Variants in MMP16 observed in about 807,000 individuals in gnomAD.
The protein encoded by MMP16 is matrix metallopeptidase 16, also known as matrix metalloproteinase-16.
Under a neutral mutation model 67.8 loss-of-function variants are expected in MMP16, and 12 were observed. That is an observed-to-expected ratio of 0.18 (90% confidence interval 0.11 to 0.29). The LOEUF is 0.29. Ranked by LOEUF, MMP16 falls within the 10% of genes least tolerant of loss-of-function variation. The pLI is 1.00. For synonymous variants in MMP16, 249 were observed against 255.9 expected, an observed-to-expected ratio of 0.97 and a Z score of 0.26; for missense variants, 475 against 765.7, an observed-to-expected ratio of 0.62 and a Z score of 4.48.
chr8:88,072,385 A>T (rs1011200507), intron 7 of MMP16, among the ~76,000 whole-genome samples: 7 of 151,984 alleles, frequency 4.6e-5, no homozygotes, highest in African/African-American at 1.7e-4. Context: ...CTTTCTCCAT[A>T]ATCAATGCTT....
intron 7 of MMP16, among the ~76,000 whole-genome samples, chr8:88,072,873 G>C (rs756675048): frequency 6.6e-6 from 1 of 152,130 alleles, no homozygotes; most frequent in Non-Finnish European, 1.5e-5. Context: ...GGGCAGGGAG[G>C]CCACTGGAGG....
At position 88,327,448 on chromosome 8, in the gene MMP16, G is replaced by T. The variant is rs1586022785; in HGVS notation, c.-242C>A. The stretch of plus-strand genomic sequence containing the variant: ...ACCATCCTCCGGGGTCAGTCACCGG[G>T]AACGTGGCGCCTAAGTTCACCGGCG... On this transcript the variant is annotated 5_prime_UTR_variant, in exon 1 of 10. Transcript: ENST00000286614. 4 of 486,724 alleles carry T rather than the reference G, an allele frequency of 8.2e-6. No homozygotes were observed. The Admixed American group carries it at 9.9e-5, about 12-fold the overall frequency. The allele number at this position is 486,724 out of a possible 1,614,324, so 30.2% of individuals were successfully genotyped here. A position where few individuals can be genotyped will look rare whatever the true frequency, so the allele number is the denominator to read the frequency against.
intron 1 of MMP16, among the ~76,000 whole-genome samples, chr8:88,326,034 T>A (rs1388799310): frequency 6.6e-6 from 1 of 152,218 alleles, no homozygotes; most frequent in African/African-American, 2.4e-5. Context: ...CTTCATAATA[T>A]CAACAATATA....
chr8:88,237,634 G>T (rs1451598928), intron 1 of MMP16, among the ~76,000 whole-genome samples: 1 of 150,828 alleles, frequency 6.6e-6, no homozygotes, highest in Non-Finnish European at 1.5e-5. Flanking sequence ...GGGCGACAGA[G>T]TGAGACTCCG....
Position 88,327,401 on chromosome 8 carries a change from G to C in MMP16, c.-195C>G, listed in dbSNP as rs1811558649. 2 of 580,604 alleles carry C rather than the reference G, an allele frequency of 3.4e-6. No individual in the cohort carries two copies. The highest frequency in any genetic ancestry group is 6.1e-6 in the Non-Finnish European group (2 of 330,076). 36.0% of individuals were successfully genotyped at this position (580,604 alleles called of 1,614,324 possible). On this transcript the variant is annotated 5_prime_UTR_variant, in exon 1 of 10. Coordinates refer to ENST00000286614, the MANE Select transcript of MMP16 (RefSeq NM_005941.5). ...CCCCCGAGAGGCAGCGGCGAAGACA[G>C]GGTCAGCAGTAGTTCCTGTTCACCA...
intron 7 of MMP16, among the ~76,000 whole-genome samples, chr8:88,062,797 A>C (rs1326939352): frequency 6.6e-6 from 1 of 152,172 alleles, no homozygotes; most frequent in African/African-American, 2.4e-5. Flanking sequence ...CCTACAACTT[A>C]AAGTATAATA....
intron 6 of MMP16, among the ~76,000 whole-genome samples, chr8:88,101,779 G>A (rs575766575): frequency 6.6e-6 from 1 of 151,932 alleles, no homozygotes; most frequent in Admixed American, 6.6e-5. Context: ...AATAATATTT[G>A]TACAAAGAAA....
In MMP16 at chr8:88,181,608, T is replaced by A. The variant is rs1228912687; in HGVS notation, c.404+4868A>T. Among the ~76,000 whole-genome samples, 4 of 151,518 alleles carry A rather than the reference T, an allele frequency of 2.6e-5. 1 individual carries two copies. The highest frequency in any genetic ancestry group is 4.8e-5 in the African/African-American group (2 of 41,382). On this transcript the variant is annotated intron_variant, in intron 3 of 9. Transcript: ENST00000286614. ...TATAATATTTATGTTATTTCCAAGA[T>A]GAACTATAGATACAATGCAAGCAAA...
chr8:88,075,717 T>A (rs1049518370), intron 6 of MMP16, among the ~76,000 whole-genome samples: 5 of 152,160 alleles, frequency 3.3e-5, no homozygotes, highest in Non-Finnish European at 5.9e-5. Flanking sequence ...AATTTCTGTA[T>A]GTATAAGCAA....
intron 4 of MMP16, among the ~76,000 whole-genome samples, chr8:88,161,733 G>T (rs571548016): frequency 5.0e-4 from 76 of 152,220 alleles, no homozygotes; most frequent in African/African-American, 1.8e-3. Context: ...ACGTGTCCCA[G>T]AGATTCTGGT....
intron 4 of MMP16, among the ~76,000 whole-genome samples, chr8:88,161,645 G>C (rs1002999896): frequency 3.3e-5 from 5 of 152,058 alleles, no homozygotes; most frequent in African/African-American, 9.6e-5. Flanking sequence ...TGTGATGTTA[G>C]GGTGTTAATT....
rs1190812163 is a variant in MMP16, at chr8:88,207,583, C to A, written c.133-10277G>T. On this transcript the variant is annotated intron_variant, in intron 1 of 9. Coordinates refer to ENST00000286614, the MANE Select transcript of MMP16 (RefSeq NM_005941.5). ...GAAGTAGATGAAAGTCATGGCATTACAAGCAACAGTTGAATTGCTTGTGAA... is the reference window on the plus strand; with the variant it reads ...GAAGTAGATGAAAGTCATGGCATTAAAAGCAACAGTTGAATTGCTTGTGAA... Among the ~76,000 whole-genome samples, 4 of 151,954 alleles carry A rather than the reference C, an allele frequency of 2.6e-5. No individual in the cohort carries two copies. The East Asian group carries it at 5.8e-4, about 22-fold the overall frequency.
chr8:88,173,523 T>A (rs535239073), intron 3 of MMP16, among the ~76,000 whole-genome samples: 110 of 152,260 alleles, frequency 7.2e-4, no homozygotes, highest in African/African-American at 2.4e-3. Flanking sequence ...TAGATAAAAA[T>A]TAGTTATTTA....
Position 88,296,096 on chromosome 8 carries a change from C to T in MMP16, c.132+30979G>A, listed in dbSNP as rs562554793. Among the ~76,000 whole-genome samples the T allele has an allele frequency of 3.3e-5, 5 of 152,168 alleles. No homozygotes were observed. The East Asian group carries it at 9.6e-4, about 29-fold the overall frequency. On this transcript the variant is annotated intron_variant, in intron 1 of 9. Coordinates refer to ENST00000286614, the MANE Select transcript of MMP16 (RefSeq NM_005941.5). ...GGTGTTTATAATCCAATATTTTTTG[C>T]CACCTCAAATTTTCAGGCTCCATCA... is the stretch of plus-strand genomic sequence containing the variant.
chr8:88,145,563 T>C (rs1167582024), intron 4 of MMP16, among the ~76,000 whole-genome samples: 1 of 151,886 alleles, frequency 6.6e-6, no homozygotes, highest in East Asian at 1.9e-4. Flanking sequence ...TTTTACACCT[T>C]AATAGATCTC....
At chr8:88,327,020 G>A (rs1367399039) in intron 1 of MMP16, 55 bp downstream of exon 1, 3 of 1,608,190 alleles carry the variant, frequency 1.9e-6, no homozygotes, top group African/African-American at 1.3e-5. Context: ...TGAAGGAAAT[G>A]TTTCAGGGAG....
rs145285317 is a variant in MMP16 at position 88,308,378 on chromosome 8, C to A, written c.132+18697G>T. The stretch of plus-strand genomic sequence containing the variant: ...TTTGCCATTATCAAGGGAACATGTT[C>A]TATCTTGTCAGTGGTTTCAGGATCA... On this transcript the variant is annotated intron_variant, in intron 1 of 9. Transcript: ENST00000286614. 2.0e-5 allele frequency among the ~76,000 whole-genome samples: 3 copies of A among 152,162 alleles called. No individual in the cohort carries two copies. In the East Asian group the frequency reaches 5.8e-4, roughly 29 times the overall value.
intron 4 of MMP16, among the ~76,000 whole-genome samples, chr8:88,164,876 C>T (rs562803159): frequency 6.6e-6 from 1 of 151,720 alleles, no homozygotes; most frequent in Non-Finnish European, 1.5e-5. Flanking sequence ...CCTTAGGCCA[C>T]GTTATATTTC....
intron 1 of MMP16, among the ~76,000 whole-genome samples, chr8:88,258,861 T>C (rs1366757527): frequency 6.6e-6 from 1 of 152,186 alleles, no homozygotes; most frequent in Non-Finnish European, 1.5e-5. Context: ...TAAGTCAAAA[T>C]ATTTGGTTGA....
Sources: gnomAD v4.1 joint callset for allele counts (sites outside exome capture counted in the v4.1 genomes callset) on GRCh38, gnomAD v4.1.1 for gene constraint, MANE v1.5 for transcripts, NCBI Gene and HGNC (gene_info 2026-07-23, HGNC 2026-07-21) for gene names.